Variants in ACSM2B observed in about 807,000 individuals in gnomAD.
ACSM2B encodes the protein acyl-CoA synthetase medium chain family member 2B.
In ACSM2B, 58 loss-of-function variants were observed where a neutral mutation model predicts 78.6. That is an observed-to-expected ratio of 0.74 (90% CI 0.60 to 0.92). The LOEUF (loss-of-function observed/expected upper bound fraction) is 0.92. ACSM2B is among the 40% of genes least tolerant of loss of function. ACSM2B has a pLI of 0.00. For synonymous variants in ACSM2B, 257 were observed against 256.8 expected (o/e 1.00, Z -0.01); for missense variants, 688 against 711.2 (o/e 0.97, Z 0.37).
rs373663970 is a variant in ACSM2B, at chr16:20,540,602, G to A, written c.1629+52C>T. On this transcript the variant is annotated intron_variant, in intron 13 of 13. Transcript: ENST00000329697. ...CTCCTGAAGAAGATAAATATAACAG[G>A]AAAACAATCTATTTCTCAAGTTTGA... 1.3e-4 allele frequency: 204 copies of A among 1,600,620 alleles called. 1 individual carries two copies. In the African/African-American group the frequency reaches 2.4e-3, roughly 19 times the overall value.
At chr16:20,573,169 T>C (rs1373513022) in intron 1 of ACSM2B, among the ~76,000 whole-genome samples, 6 of 151,830 alleles carry the variant, frequency 4.0e-5, no homozygotes, top group Non-Finnish European at 5.9e-5. Flanking sequence ...AGAATCGTTT[T>C]CCTGGTTCCT....
intron 1 of ACSM2B, among the ~76,000 whole-genome samples, chr16:20,571,129 T>C (rs2016083078): frequency 6.6e-6 from 1 of 152,000 alleles, no homozygotes; most frequent in Non-Finnish European, 1.5e-5. Flanking sequence ...TGATTTGTTC[T>C]TGTTTGTCTA....
chr16:20,558,914 A>AT (rs552655927), intron 3 of ACSM2B, among the ~76,000 whole-genome samples: 56 of 152,354 alleles, frequency 3.7e-4, no homozygotes, highest in East Asian at 1.5e-3. Context: ...ATTTATTTGT[A>AT]TAGATTTTAA....
At position 20,537,278 on chromosome 16, in the gene ACSM2B, C is replaced by T. The variant is rs562863484; in HGVS notation, c.1714G>A (p.Gly572Arg). ...ACGCCTCACTGCGCACGGGCTTTTC[C>T]GGACATCTTCCACTCCTTGTCTCGA... The part of the protein sequence containing the change: ...KLRDKEWKMS[G>R]KARAQ The change falls in exon 14 of 14, where the codon GGA becomes AGA. Residue 572 changes from glycine to arginine, a missense_variant. By Grantham distance (125) the Gly-to-Arg change is moderately radical. Coordinates refer to ENST00000329697, the MANE Select transcript of ACSM2B (RefSeq NM_001105069.2). The T allele has an allele frequency of 2.9e-5, 47 of 1,614,046 alleles. No homozygotes were observed. In the East Asian group the frequency reaches 3.6e-4, roughly 12 times the overall value.
At chr16:20,543,469 G>A (rs2015055865) in intron 10 of ACSM2B, among the ~76,000 whole-genome samples, 1 of 152,144 alleles carries the variant, frequency 6.6e-6, no homozygotes, top group African/African-American at 2.4e-5. Context: ...TTCCACCCAG[G>A]GTGTCTCAGC....
intron 9 of ACSM2B, 124 bp downstream of exon 9, chr16:20,546,270 T>A: frequency 6.9e-7 from 1 of 1,446,648 alleles, no homozygotes; most frequent in Non-Finnish European, 9.1e-7. Context: ...CCGTCCCTTT[T>A]TTCTGATATT....
At chr16:20,551,097 A>G (rs1315806584) in intron 6 of ACSM2B, among the ~76,000 whole-genome samples, 2 of 152,214 alleles carry the variant, frequency 1.3e-5, no homozygotes, top group African/African-American at 2.4e-5. Context: ...AAAAGATTAT[A>G]TATAATGTTG....
intron 2 of ACSM2B, among the ~76,000 whole-genome samples, chr16:20,563,089 G>A (rs2015715355): frequency 6.6e-6 from 1 of 152,124 alleles, no homozygotes; most frequent in South Asian, 2.1e-4. Context: ...CAAGGGGGCA[G>A]ATTTGAGAAA....
chr16:20,552,305 C>T lies in ACSM2B; in HGVS notation c.741-8G>A, dbSNP rs746424486. On this transcript the variant is annotated splice_region_variant and splice_polypyrimidine_tract_variant and intron_variant, in intron 5 of 13. Coordinates refer to ENST00000329697, the MANE Select transcript of ACSM2B (RefSeq NM_001105069.2). ...GCTTGCAGGCCTGTCCAACTGAAAA[C>T]ACAGACAAAACACATGTACATATAG... 4 of 1,606,622 alleles carry T rather than the reference C, an allele frequency of 2.5e-6. No homozygotes were observed. In the Admixed American group the frequency reaches 6.8e-5, roughly 27 times the overall value.
chr16:20,559,126 G>C (rs1315576760), intron 3 of ACSM2B, 111 bp downstream of exon 3: 5 of 1,471,138 alleles, frequency 3.4e-6, no homozygotes, highest in African/African-American at 1.4e-5. Context: ...TATGAGAGAG[G>C]ACAGCATGCT....
At chr16:20,551,174 T>C (rs1378811129) in intron 6 of ACSM2B, among the ~76,000 whole-genome samples, 1 of 152,078 alleles carries the variant, frequency 6.6e-6, no homozygotes, top group Non-Finnish European at 1.5e-5. Flanking sequence ...AACGAAGGAT[T>C]AACTTATGGG....
intron 13 of ACSM2B, among the ~76,000 whole-genome samples, chr16:20,539,715 G>C (rs868016006): frequency 0.01 from 1,478 of 144,490 alleles, no homozygotes; most frequent in African/African-American, 0.04. Context: ...GGCCCAAGTT[G>C]GTCCAGTGAG....
chr16:20,573,232 T>C (rs926876203), intron 1 of ACSM2B, among the ~76,000 whole-genome samples: 1 of 151,816 alleles, frequency 6.6e-6, no homozygotes, highest in Non-Finnish European at 1.5e-5. Flanking sequence ...AAGGCTACTG[T>C]TCAGATTCTT....
intron 2 of ACSM2B, among the ~76,000 whole-genome samples, chr16:20,564,024 G>A (rs2152144115): frequency 6.6e-6 from 1 of 150,898 alleles, no homozygotes; most frequent in East Asian, 2.0e-4. Context: ...TCACCTCGTA[G>A]CTATCTTACT....
chr16:20,569,257 G>C (rs962314428), intron 1 of ACSM2B, among the ~76,000 whole-genome samples: 6 of 151,918 alleles, frequency 3.9e-5, no homozygotes, highest in African/African-American at 1.4e-4. Flanking sequence ...GATATATGAA[G>C]ATCCAGTTTC....
At chr16:20,549,670 C>G (rs2015243575) in intron 6 of ACSM2B, 1 of 389,684 alleles carries the variant, frequency 2.6e-6, no homozygotes, top group Non-Finnish European at 5.0e-6. Flanking sequence ...TGACAGAGCC[C>G]TCAGGAGGTC....
intron 2 of ACSM2B, 96 bp from the exon 3 acceptor site, chr16:20,559,543 AGGTTTTT>A: frequency 6.8e-7 from 1 of 1,470,166 alleles, no homozygotes; most frequent in Non-Finnish European, 9.1e-7. Context: ...GTGCTTAGTA[AGGTTTTT>A]TATCTCAGCA....
intron 8 of ACSM2B, 74 bp downstream of exon 8, chr16:20,547,988 C>A: frequency 6.3e-7 from 1 of 1,595,910 alleles, no homozygotes; most frequent in Non-Finnish European, 8.5e-7. Flanking sequence ...TGGTGGCTAA[C>A]ATGTTTTATT....
chr16:20,550,297 T>C (rs983896700), intron 6 of ACSM2B, among the ~76,000 whole-genome samples: 5 of 152,184 alleles, frequency 3.3e-5, no homozygotes, highest in African/African-American at 1.2e-4. Flanking sequence ...AATAATTTCC[T>C]TCAAATGTGC....
Sources: gnomAD v4.1 joint callset for allele counts (sites outside exome capture counted in the v4.1 genomes callset) on GRCh38, gnomAD v4.1.1 for gene constraint, MANE v1.5 for transcripts, NCBI Gene and HGNC (gene_info 2026-07-23, HGNC 2026-07-21) for gene names.